Variants in AR observed in about 807,000 individuals in gnomAD.
The protein encoded by AR is androgen receptor, also known as dihydrotestosterone receptor.
Under a neutral mutation model 53.9 loss-of-function variants are expected in AR, and 8 were observed. The observed-to-expected ratio is 0.15, with a 90% CI of 0.09 to 0.27. The LOEUF (loss-of-function observed/expected upper bound fraction) is 0.27, where lower values mean the gene tolerates loss of function less well. Ranked by LOEUF, AR falls within the 10% of genes least tolerant of loss-of-function variation. The probability of loss-of-function intolerance (pLI) is 1.00; values close to 1 mark genes in which losing one functional copy is unlikely to be tolerated. For missense variants in AR, 639 were observed against 742.5 expected (o/e 0.86, Z 1.62); for synonymous variants, 359 against 316.4 (o/e 1.13, Z -1.43).
At chrX:67,711,994 G>T (rs1458036873) in intron 4 of AR, among the ~76,000 whole-genome samples, 1 of 112,083 alleles carries the variant, frequency 8.9e-6, no homozygotes, top group Non-Finnish European at 1.9e-5. Context: ...AAATCACATA[G>T]ACATACCCAT....
chrX:67,696,858 T>C (rs905134043), intron 3 of AR, among the ~76,000 whole-genome samples: 6 of 111,625 alleles, frequency 5.4e-5, no homozygotes, highest in South Asian at 3.7e-4. Context: ...CGATGAAATA[T>C]AAAGAGTAGC....
intron 5 of AR, among the ~76,000 whole-genome samples, chrX:67,718,888 G>A (rs916361889): frequency 9.0e-6 from 1 of 111,548 alleles, no homozygotes; most frequent in Admixed American, 9.5e-5. Context: ...CGCCTCAGCC[G>A]GGCATGATAA....
At chrX:67,595,001 T>C (rs1343914923) in intron 1 of AR, among the ~76,000 whole-genome samples, 1 of 110,230 alleles carries the variant, frequency 9.1e-6, no homozygotes, top group Non-Finnish European at 1.9e-5. Flanking sequence ...CTTTTTCAGT[T>C]CCTAAATAAT....
intron 2 of AR, among the ~76,000 whole-genome samples, chrX:67,660,325 T>C (rs1300494881): frequency 1.8e-5 from 2 of 112,093 alleles, no homozygotes; most frequent in East Asian, 2.8e-4. Context: ...TAGGTTTTCT[T>C]CTAGGGTTTT....
intron 1 of AR, among the ~76,000 whole-genome samples, chrX:67,550,098 C>T (rs1929936279): frequency 8.9e-6 from 1 of 111,838 alleles, no homozygotes; most frequent in Non-Finnish European, 1.9e-5. Flanking sequence ...CACCTGAGGA[C>T]CAAATAGCCA....
intron 1 of AR, among the ~76,000 whole-genome samples, chrX:67,564,140 CCAAA>C (rs1219139129): frequency 9.0e-6 from 1 of 111,356 alleles, no homozygotes; most frequent in Non-Finnish European, 1.9e-5. Context: ...TCTCAACACC[CCAAA>C]CAGATTAAAA....
At position 67,713,455 on chromosome X, in the gene AR, G is replaced by A. The variant is rs574105736; in HGVS notation, c.2173+1766G>A. On this transcript the variant is annotated intron_variant, in intron 4 of 7. Transcript: ENST00000374690. Reference sequence around the variant, plus strand: ...CTGGATATTTTGATATCATGTGTTTGACAGAGATTCAAAGTTTAATCTTCC... The same window carrying A: ...CTGGATATTTTGATATCATGTGTTTAACAGAGATTCAAAGTTTAATCTTCC... 7.2e-5 allele frequency among the ~76,000 whole-genome samples: 8 copies of A among 111,883 alleles called. No homozygotes were observed. The South Asian group carries it at 3.0e-3, about 42-fold the overall frequency.
intron 1 of AR, among the ~76,000 whole-genome samples, chrX:67,605,550 T>C (rs1923583524): frequency 8.9e-6 from 1 of 112,221 alleles, no homozygotes; most frequent in African/African-American, 3.2e-5. Flanking sequence ...GGAGGGCCAG[T>C]TTGGCATGCA....
rs1340591837 is a variant in AR at position 67,729,043 on chromosome X, G to T, written c.*5202G>T. ...CTTGGTCTTCACCATCCTTGTGAGAGAAGGGCAGTTTCCTGCATTGGAACC... is the reference window on the plus strand; with the variant it reads ...CTTGGTCTTCACCATCCTTGTGAGATAAGGGCAGTTTCCTGCATTGGAACC... On this transcript the variant is annotated 3_prime_UTR_variant, in exon 8 of 8. Transcript: ENST00000374690. 2 of 174,038 alleles carry T rather than the reference G, an allele frequency of 1.1e-5. No individual in the cohort carries two copies. Among genetic ancestry groups the T allele is most frequent in the Non-Finnish European group, 2.2e-5 (2 of 91,157 alleles). 14.3% of individuals were successfully genotyped at this position (174,038 alleles called of 1,213,427 possible). A position where few individuals can be genotyped will look rare whatever the true frequency, so the allele number is the denominator to read the frequency against.
rs771337227 is a variant in AR at position 67,725,892 on chromosome X, C to T, written c.*2051C>T. 2.9e-5 allele frequency: 5 copies of T among 173,865 alleles called. No homozygotes were observed. Among genetic ancestry groups the T allele is most frequent in the South Asian group, 3.2e-4 (1 of 3,135 alleles). The allele number at this position is 173,865 out of a possible 1,213,427, so 14.3% of individuals were successfully genotyped here. On this transcript the variant is annotated 3_prime_UTR_variant, in exon 8 of 8. Coordinates refer to ENST00000374690, the MANE Select transcript of AR (RefSeq NM_000044.6). Reference sequence around the variant, plus strand: ...TGGCACACCTGTGTTCTGTTGACTTCGTTCTTCAAGCCCAAGTGCAAGGGA... The same window carrying T: ...TGGCACACCTGTGTTCTGTTGACTTTGTTCTTCAAGCCCAAGTGCAAGGGA...
At chrX:67,669,432 AT>A (rs1283627764) in intron 2 of AR, among the ~76,000 whole-genome samples, 7 of 111,490 alleles carry the variant, frequency 6.3e-5, no homozygotes, top group Non-Finnish European at 1.3e-4. Flanking sequence ...ATTGTTAATA[AT>A]TTTTTTAAAA....
At chrX:67,659,438 A>G (rs1007865565) in intron 2 of AR, among the ~76,000 whole-genome samples, 2 of 110,230 alleles carry the variant, frequency 1.8e-5, no homozygotes, top group Non-Finnish European at 3.8e-5. Context: ...TCATTGTTCA[A>G]TTCTCACCTG....
intron 1 of AR, among the ~76,000 whole-genome samples, chrX:67,629,574 C>T (rs1444698284): frequency 5.5e-5 from 6 of 109,551 alleles, no homozygotes; most frequent in South Asian, 8.1e-4. Flanking sequence ...TTTGTTGATC[C>T]TTTCAAAAAA....
intron 1 of AR, among the ~76,000 whole-genome samples, chrX:67,632,673 T>C (rs1325824661): frequency 1.8e-5 from 2 of 111,996 alleles, no homozygotes; most frequent in Admixed American, 9.5e-5. Context: ...GAAAAAAAAA[T>C]TGTTAAATTG....
chrX:67,708,560 G>A (rs770973889), intron 3 of AR, among the ~76,000 whole-genome samples: 1 of 111,408 alleles, frequency 9.0e-6, no homozygotes, highest in African/African-American at 3.3e-5. Flanking sequence ...TTTTTTCAAG[G>A]TTTTTAACTT....
chrX:67,649,637 C>CT (rs1370244696), intron 2 of AR, among the ~76,000 whole-genome samples: 1 of 112,468 alleles, frequency 8.9e-6, no homozygotes, highest in Non-Finnish European at 1.9e-5. Flanking sequence ...TGATGATAAG[C>CT]TTTTTTTCAT....
In AR at chrX:67,546,553, C is replaced by T. The variant is rs1421019552; in HGVS notation, c.1407C>T (p.Gly469=). Residue 469 remains glycine, a synonymous_variant, in exon 1 of 8, where the codon GGC becomes GGT. Coordinates refer to ENST00000374690, the MANE Select transcript of AR (RefSeq NM_000044.6). ...GCGGCGGCGGCGGCGGCGGCGGCGG[C>T]GGCGGCGGCGGCGAGGCGGGAGCTG... ...GGGGGGGGGG[G]GGGGEAGAVA... is the part of the protein sequence containing the mutation. 8 of 937,167 alleles carry T rather than the reference C, an allele frequency of 8.5e-6. No individual in the cohort carries two copies. Among genetic ancestry groups the T allele is most frequent in the African/African-American group, 4.3e-5 (2 of 46,457 alleles). 77.2% of individuals were successfully genotyped at this position (937,167 alleles called of 1,213,427 possible). A position where few individuals can be genotyped will look rare whatever the true frequency, so the allele number is the denominator to read the frequency against.
At chrX:67,640,173 G>T (rs1320437727) in intron 1 of AR, among the ~76,000 whole-genome samples, 1 of 111,381 alleles carries the variant, frequency 9.0e-6, no homozygotes, top group African/African-American at 3.3e-5. Context: ...AAGCGGACTT[G>T]ATCGTGGTGG....
chrX:67,714,480 C>A (rs2076105175), intron 4 of AR, among the ~76,000 whole-genome samples: 1 of 111,686 alleles, frequency 9.0e-6, no homozygotes, highest in Non-Finnish European at 1.9e-5. Context: ...AAATTGTGTT[C>A]TCTGAAGACC....
Sources: gnomAD v4.1 joint callset for allele counts (sites outside exome capture counted in the v4.1 genomes callset) on GRCh38, gnomAD v4.1.1 for gene constraint, MANE v1.5 for transcripts, NCBI Gene and HGNC (gene_info 2026-07-23, HGNC 2026-07-21) for gene names.